RBFOX1: variants seen among roughly 807,000 people sequenced by gnomAD.
The protein encoded by RBFOX1 is RNA binding fox-1 homolog 1.
Under a neutral mutation model 57.7 loss-of-function variants are expected in RBFOX1, and 8 were observed. That is an observed-to-expected ratio of 0.14 (90% CI 0.08 to 0.25). The LOEUF is 0.25. Among genes scored for constraint, RBFOX1 ranks in the 10% least tolerant of loss-of-function variants. The pLI, the probability that RBFOX1 is intolerant of heterozygous loss-of-function variation, is 1.00. For missense variants in RBFOX1, 611 were observed against 548.5 expected (o/e 1.11, Z -1.14); for synonymous variants, 326 against 222.4 (o/e 1.47, Z -4.15).
At chr16:7,075,603 C>T (rs757427807) in intron 4 of RBFOX1, among the ~76,000 whole-genome samples, 25 of 151,552 alleles carry the variant, frequency 1.6e-4, no homozygotes, top group Non-Finnish European at 2.9e-4. Flanking sequence ...TTTTATGAGA[C>T]GGAGTCTCGC....
chr16:7,106,982 A>T lies in RBFOX1; in HGVS notation c.27+54884A>T, dbSNP rs5815370. On this transcript the variant is annotated intron_variant, in intron 4 of 15. Transcript: ENST00000550418. Reference sequence around the variant, plus strand: ...GCATTCCCATGTAAGCCACACAGTTAAAACACACACACACACACACACACA... The same window carrying T: ...GCATTCCCATGTAAGCCACACAGTTTAAACACACACACACACACACACACA... Among the ~76,000 whole-genome samples the T allele has an allele frequency of 9.3e-3, 370 of 39,630 alleles. 2 individuals carry two copies. The highest frequency in any genetic ancestry group is 0.019 in the African/African-American group (347 of 18,294). The allele number at this position is 39,630 out of a possible 152,430, so 26.0% of individuals were successfully genotyped here. A position where few individuals can be genotyped will look rare whatever the true frequency, so the allele number is the denominator to read the frequency against.
At chr16:7,301,105 C>T (rs2096019259) in intron 4 of RBFOX1, among the ~76,000 whole-genome samples, 1 of 152,102 alleles carries the variant, frequency 6.6e-6, no homozygotes, top group African/African-American at 2.4e-5. Flanking sequence ...TTTGCTATCC[C>T]CAGATGCGGT....
At chr16:5,676,709 A>G (rs567022155) in intron 3 of RBFOX1, among the ~76,000 whole-genome samples, 1 of 152,288 alleles carries the variant, frequency 6.6e-6, no homozygotes, top group South Asian at 2.1e-4. Flanking sequence ...AAAAATACAA[A>G]AAACTAGCCA....
rs1299821646 is a variant in RBFOX1, at chr16:7,140,150, TTCTCTCCC to T, written c.27+88059_27+88066del. On this transcript the variant is annotated intron_variant, in intron 4 of 15. Transcript: ENST00000550418. ...TCATTCTCATTCTCTTATTCTCTCC[TTCTCTCCC>T]TCTCTCTCTCTCTCTCTCTCTCTCT... Among the ~76,000 whole-genome samples, 376 of 52,588 alleles carry T rather than the reference TTCTCTCCC, an allele frequency of 7.1e-3. 5 individuals are homozygous for T. Among genetic ancestry groups the T allele is most frequent in the African/African-American group, 0.029 (347 of 11,848 alleles). 34.5% of individuals were successfully genotyped at this position (52,588 alleles called of 152,430 possible).
chr16:6,956,340 C>G (rs1282805332), intron 3 of RBFOX1, among the ~76,000 whole-genome samples: 2 of 152,156 alleles, frequency 1.3e-5, no homozygotes, highest in African/African-American at 2.4e-5. Context: ...AATTATTCCC[C>G]AAAGTATTTT....
intron 4 of RBFOX1, among the ~76,000 whole-genome samples, chr16:7,416,877 A>G (rs1451476041): frequency 1.3e-5 from 2 of 152,152 alleles, no homozygotes; most frequent in Non-Finnish European, 2.9e-5. Context: ...AATCCCCGAC[A>G]ACAACCCTCT....
chr16:6,885,339 G>A (rs1432830394), intron 3 of RBFOX1, among the ~76,000 whole-genome samples: 1 of 152,132 alleles, frequency 6.6e-6, no homozygotes, highest in Non-Finnish European at 1.5e-5. Context: ...GGGTTTGGGT[G>A]TCTCTGATTT....
intron 4 of RBFOX1, among the ~76,000 whole-genome samples, chr16:7,421,675 C>A (rs1458555158): frequency 2.0e-5 from 3 of 152,246 alleles, no homozygotes; most frequent in Non-Finnish European, 4.4e-5. Context: ...TGTCCCATTT[C>A]CACTGGCCTG....
chr16:6,318,158 T>G (rs542146389), intron 2 of RBFOX1, among the ~76,000 whole-genome samples: 2 of 152,304 alleles, frequency 1.3e-5, no homozygotes, highest in African/African-American at 4.8e-5. Flanking sequence ...AAAGATGGTG[T>G]ATTAGCTGTT....
chr16:6,640,728 G>C (rs965304940), intron 2 of RBFOX1, among the ~76,000 whole-genome samples: 5 of 152,026 alleles, frequency 3.3e-5, no homozygotes, highest in Admixed American at 2.6e-4. Flanking sequence ...CTCTAGAAAG[G>C]AATAAAAAAA....
At position 5,844,409 on chromosome 16, in the gene RBFOX1, C is replaced by T. The variant is rs2056699634; in HGVS notation, c.319-22894C>T. On this transcript the variant is annotated intron_variant, in intron 3 of 19. Coordinates refer to the RBFOX1 transcript ENST00000641259. The stretch of plus-strand genomic sequence containing the variant: ...TCCCACAAGGGTAAAGAATGGTCCC[C>T]AAAGTAATTGGCATTACATTATTGA... Among the ~76,000 whole-genome samples the T allele has an allele frequency of 2.0e-5, 3 of 152,162 alleles. No homozygotes were observed. The South Asian group carries it at 6.2e-4, about 32-fold the overall frequency.
intron 4 of RBFOX1, among the ~76,000 whole-genome samples, chr16:7,347,271 G>C (rs957547388): frequency 1.3e-5 from 2 of 152,160 alleles, no homozygotes; most frequent in African/African-American, 4.8e-5. Context: ...AAATGAGAGA[G>C]GCTTATTGGG....
At chr16:6,927,442 C>T (rs6500878) in intron 3 of RBFOX1, among the ~76,000 whole-genome samples, 74,031 of 128,228 alleles carry the variant, frequency 0.58, 22,033 homozygotes, top group African/African-American at 0.81. Flanking sequence ...AAAAAAAATC[C>T]GAACGTCTCG....
At chr16:7,078,860 T>C (rs2058711464) in intron 4 of RBFOX1, among the ~76,000 whole-genome samples, 1 of 104,922 alleles carries the variant, frequency 9.5e-6, no homozygotes, top group Non-Finnish European at 1.9e-5. Flanking sequence ...TTTATATATA[T>C]ACCTTTTTTT....
intron 3 of RBFOX1, among the ~76,000 whole-genome samples, chr16:6,957,421 A>T (rs770679843): frequency 4.0e-5 from 6 of 151,538 alleles, no homozygotes; most frequent in Non-Finnish European, 5.9e-5. Flanking sequence ...TTTCTTCATG[A>T]TATGCTAAAC....
At position 7,221,507 on chromosome 16, in the gene RBFOX1, C is replaced by T. The variant is rs192631331; in HGVS notation, c.27+169409C>T. 1.6e-3 allele frequency among the ~76,000 whole-genome samples: 248 copies of T among 152,112 alleles called. 6 individuals carry two copies. Among genetic ancestry groups the T allele is most frequent in the Admixed American group, 0.016 (244 of 15,272 alleles). On this transcript the variant is annotated intron_variant, in intron 4 of 15. Coordinates refer to ENST00000550418, the MANE Select transcript of RBFOX1 (RefSeq NM_018723.4). ...TCAGCTTCCAGAGTAGCTGGGATTA[C>T]AGGTGCGTGCCATCACACCTAGCTA...
At chr16:6,683,519 T>C (rs10459839) in intron 3 of RBFOX1, among the ~76,000 whole-genome samples, 74,621 of 152,098 alleles carry the variant, frequency 0.49, 22,089 homozygotes, top group Non-Finnish European at 0.64. Context: ...CAAAACTATA[T>C]ATATATGTAT....
chr16:6,463,359 G>C (rs1264689458), intron 2 of RBFOX1, among the ~76,000 whole-genome samples: 1 of 152,068 alleles, frequency 6.6e-6, no homozygotes, highest in African/African-American at 2.4e-5. Flanking sequence ...CTATTTATTT[G>C]CTGTTGTGTA....
intron 4 of RBFOX1, among the ~76,000 whole-genome samples, chr16:7,388,881 A>G (rs58888953): frequency 0.015 from 2,285 of 152,092 alleles, 60 homozygotes; most frequent in African/African-American, 0.052. Flanking sequence ...TGCAATTTTG[A>G]TAGAATATTT....
Sources: gnomAD v4.1 joint callset for allele counts (sites outside exome capture counted in the v4.1 genomes callset) on GRCh38, gnomAD v4.1.1 for gene constraint, MANE v1.5 for transcripts, NCBI Gene and HGNC (gene_info 2026-07-23, HGNC 2026-07-21) for gene names.